The following CAST variants were observed in gnomAD, a reference collection of about 807,000 sequenced individuals.
The protein encoded by CAST is calpastatin.
A neutral mutation model predicts 119.6 loss-of-function variants in CAST; 76 were observed. That is an observed-to-expected ratio of 0.64 (90% CI 0.53 to 0.77). The LOEUF is 0.77. CAST is among the 30% of genes least tolerant of loss of function. The pLI is 0.00. For missense variants in CAST, 953 were observed against 946.5 expected, an observed-to-expected ratio of 1.01 and a Z score of -0.09; for synonymous variants, 319 against 331.6, an observed-to-expected ratio of 0.96 and a Z score of 0.41.
the CAST span, among the ~76,000 whole-genome samples, chr5:96,061,971 G>A: frequency 1.3e-5 from 2 of 152,116 alleles, no homozygotes; most frequent in Non-Finnish European, 2.9e-5. Flanking sequence ...TCTCCTATAT[G>A]TTTGTTATAT....
chr5:96,707,392 C>CTT (rs113091379), intron 3 of CAST, among the ~76,000 whole-genome samples: 22 of 145,478 alleles, frequency 1.5e-4, no homozygotes, highest in Non-Finnish European at 2.3e-4. Context: ...TTTAGTTAAC[C>CTT]TTTTTTTTTT....
chr5:96,663,601 A>C (rs1460333246), intron 1 of CAST, among the ~76,000 whole-genome samples: 1 of 152,200 alleles, frequency 6.6e-6, no homozygotes, highest in Non-Finnish European at 1.5e-5. Flanking sequence ...TTGGACGTAC[A>C]TTCGCCGACG....
At chr5:96,007,236 CTCAAAGCAG>C in the CAST span, among the ~76,000 whole-genome samples, 1 of 152,128 alleles carries the variant, frequency 6.6e-6, no homozygotes, top group African/African-American at 2.4e-5. Flanking sequence ...GTAGTTCCTG[CTCAAAGCAG>C]GAAATCTTGG....
the CAST span, among the ~76,000 whole-genome samples, chr5:96,006,541 G>C: frequency 6.6e-6 from 1 of 152,190 alleles, no homozygotes; most frequent in African/African-American, 2.4e-5. Flanking sequence ...GGGAGTGGTA[G>C]TCCTATTTCA....
chr5:96,621,869 G>C (rs1747613536), intron 1 of CAST, among the ~76,000 whole-genome samples: 1 of 152,066 alleles, frequency 6.6e-6, no homozygotes, highest in Admixed American at 6.6e-5. Flanking sequence ...CTGCAATCAT[G>C]GTAGGTCATT....
At chr5:96,656,792 G>A (rs944397346) in intron 1 of CAST, among the ~76,000 whole-genome samples, 17 of 152,076 alleles carry the variant, frequency 1.1e-4, no homozygotes, top group Non-Finnish European at 1.5e-4. Flanking sequence ...GGGGTGAGCC[G>A]GGCAGATATT....
intron 1 of CAST, among the ~76,000 whole-genome samples, chr5:96,668,811 A>T (rs1580895968): frequency 1.4e-5 from 1 of 70,000 alleles, no homozygotes; most frequent in Non-Finnish European, 2.4e-5. Flanking sequence ...TACCCAGGTA[A>T]AAAAAAAAAA....
the CAST span, among the ~76,000 whole-genome samples, chr5:96,270,243 A>G: frequency 1.3e-5 from 2 of 152,316 alleles, no homozygotes; most frequent in East Asian, 3.9e-4. Context: ...AATGTACCTC[A>G]GAATAATAAA....
intron 1 of CAST, among the ~76,000 whole-genome samples, chr5:96,618,253 T>C (rs1052489044): frequency 6.6e-6 from 1 of 152,234 alleles, no homozygotes; most frequent in African/African-American, 2.4e-5. Flanking sequence ...TCTGTGCTTC[T>C]TGGCTTAAAG....
the CAST span, chr5:96,392,881 G>C: frequency 5.0e-6 from 5 of 1,006,140 alleles, no homozygotes; most frequent in Non-Finnish European, 7.7e-6. Flanking sequence ...AAAAGAAAAG[G>C]TGCCACAAAG....
chr5:96,399,842 C>T, the CAST span: 4 of 818,088 alleles, frequency 4.9e-6, no homozygotes, highest in South Asian at 5.9e-5. Context: ...GAAAATTCCA[C>T]CTCCATCTAC....
chr5:96,419,243 GATA>G, the CAST span, among the ~76,000 whole-genome samples: 3 of 150,298 alleles, frequency 2.0e-5, no homozygotes, highest in Non-Finnish European at 4.4e-5. Flanking sequence ...TATAGATATA[GATA>G]AATAATCTAC....
the CAST span, among the ~76,000 whole-genome samples, chr5:96,208,125 A>ATT: frequency 0.027 from 3,614 of 132,572 alleles, 161 homozygotes; most frequent in African/African-American, 0.094. Context: ...ATAGCCTCTG[A>ATT]TTTTTTTTTT....
chr5:96,066,921 C>A, the CAST span, among the ~76,000 whole-genome samples: 1 of 152,096 alleles, frequency 6.6e-6, no homozygotes, highest in Non-Finnish European at 1.5e-5. Context: ...CAGCCTCAGC[C>A]TCCCAAAGTG....
chr5:96,027,021 A>G, the CAST span, among the ~76,000 whole-genome samples: 114,209 of 152,020 alleles, frequency 0.75, 43,492 homozygotes, highest in African/African-American at 0.88. Flanking sequence ...GACCAGCCTG[A>G]GCAACATAGT....
chr5:96,741,704 G>A, intron 15 of CAST, 124 bp downstream of exon 15: 2 of 653,510 alleles, frequency 3.1e-6, no homozygotes, highest in Non-Finnish European at 2.7e-6. Flanking sequence ...AGGTCTATGT[G>A]GAATAGTGAA....
chr5:96,245,481 TCA>T, the CAST span, among the ~76,000 whole-genome samples: 1 of 152,180 alleles, frequency 6.6e-6, no homozygotes, highest in Non-Finnish European at 1.5e-5. Flanking sequence ...TCCCTTAGTT[TCA>T]CACTATATAC....
At chr5:96,605,232 C>T (rs915502209) in intron 1 of CAST, among the ~76,000 whole-genome samples, 7 of 152,164 alleles carry the variant, frequency 4.6e-5, no homozygotes, top group African/African-American at 1.7e-4. Context: ...AGCCTAAGCC[C>T]CTTCCCCCTC....
the CAST span, among the ~76,000 whole-genome samples, chr5:96,407,484 T>C: frequency 0.02 from 3,052 of 152,308 alleles, 104 homozygotes; most frequent in African/African-American, 0.07. Flanking sequence ...TTCACACATA[T>C]ATTCCTGGAG....
Sources: allele counts gnomAD v4.1 joint callset (sites outside exome capture counted in the v4.1 genomes callset), GRCh38; gene constraint gnomAD v4.1.1; transcripts MANE v1.5; gene names NCBI Gene and HGNC (gene_info 2026-07-23, HGNC 2026-07-21).